Variants in FIP1L1 observed in about 807,000 individuals in gnomAD.
FIP1L1 encodes the protein factor interacting with PAPOLA and CPSF1.
A neutral mutation model predicts 84.6 loss-of-function variants in FIP1L1; 21 were observed. The observed-to-expected ratio is 0.25, with a 90% CI of 0.18 to 0.36. The LOEUF is 0.36. FIP1L1 is among the 10% of genes least tolerant of loss of function. The pLI, the probability that FIP1L1 is intolerant of heterozygous loss-of-function variation, is 1.00. For missense variants in FIP1L1, 526 were observed against 751.1 expected, an observed-to-expected ratio of 0.70 and a Z score of 3.50; for synonymous variants, 263 against 242.3, an observed-to-expected ratio of 1.09 and a Z score of -0.80.
chr4:53,441,305 G>T (rs767428905), intron 13 of FIP1L1, among the ~76,000 whole-genome samples: 1 of 151,882 alleles, frequency 6.6e-6, no homozygotes, highest in Non-Finnish European at 1.5e-5. Context: ...GCAAGGGTGG[G>T]TCTAAATTCA....
chr4:53,420,509 CTT>C (rs1340300746), intron 11 of FIP1L1, among the ~76,000 whole-genome samples: 1 of 150,258 alleles, frequency 6.7e-6, no homozygotes. Flanking sequence ...TTATCAGTCT[CTT>C]TAAATGTAGT....
rs1721444932 is a variant in FIP1L1, at chr4:53,459,766, T to A, written c.*317T>A. 3.0e-6 allele frequency: 1 copy of A among 332,428 alleles called. No individual in the cohort carries two copies. The highest frequency in any genetic ancestry group is 5.6e-6 in the Non-Finnish European group (1 of 179,588). The allele number at this position is 332,428 out of a possible 1,614,324, so 20.6% of individuals were successfully genotyped here. The stretch of plus-strand genomic sequence containing the variant: ...AGATTATCTGAGAAAAGGTCAAGGG[T>A]TCCACTTGGGCCACAGTTTTTTTGT... On this transcript the variant is annotated 3_prime_UTR_variant, in exon 18 of 18. Coordinates refer to ENST00000337488, the MANE Select transcript of FIP1L1 (RefSeq NM_030917.4).
At chr4:53,458,833 A>G (rs770657335) in intron 17 of FIP1L1, 43 bp downstream of exon 17, 1 of 1,580,624 alleles carries the variant, frequency 6.3e-7, no homozygotes, top group Non-Finnish European at 8.6e-7. Flanking sequence ...TATGTGAGAG[A>G]TTTTGACTTA....
intron 9 of FIP1L1, among the ~76,000 whole-genome samples, chr4:53,393,159 G>C (rs573098459): frequency 2.0e-5 from 3 of 152,280 alleles, no homozygotes; most frequent in Admixed American, 6.5e-5. Context: ...GGCAGATCTG[G>C]TATTTAGAAA....
chr4:53,414,297 A>G (rs1214366950), intron 10 of FIP1L1, among the ~76,000 whole-genome samples: 1 of 152,182 alleles, frequency 6.6e-6, no homozygotes, highest in Non-Finnish European at 1.5e-5. Flanking sequence ...AAGAATTCAT[A>G]GAGGCACAGA....
chr4:53,459,071 A>G (rs182528020), intron 17 of FIP1L1, among the ~76,000 whole-genome samples: 3 of 152,282 alleles, frequency 2.0e-5, no homozygotes, highest in Non-Finnish European at 4.4e-5. Context: ...AGCTGTGTAT[A>G]GGCACTGGGA....
intron 3 of FIP1L1, among the ~76,000 whole-genome samples, chr4:53,381,049 A>G (rs1366322719): frequency 6.6e-6 from 1 of 152,178 alleles, no homozygotes; most frequent in Admixed American, 6.5e-5. Context: ...ACATAGCTTT[A>G]TATTCCTTTC....
intron 5 of FIP1L1, among the ~76,000 whole-genome samples, chr4:53,385,493 A>G (rs145667077): frequency 3.4e-4 from 52 of 152,246 alleles, no homozygotes; most frequent in African/African-American, 1.2e-3. Context: ...AAACCATTGA[A>G]TTCAAAACTC....
chr4:53,419,641 G>A (rs1761288343), intron 11 of FIP1L1, among the ~76,000 whole-genome samples: 1 of 151,984 alleles, frequency 6.6e-6, no homozygotes, highest in Non-Finnish European at 1.5e-5. Context: ...GTCTCACTAT[G>A]TTGCTCAGGC....
Position 53,410,805 on chromosome 4 carries a change from A to G in FIP1L1, c.816-3810A>G, listed in dbSNP as rs148844358. Among the ~76,000 whole-genome samples the G allele has an allele frequency of 8.8e-3, 1,347 of 152,226 alleles. 24 individuals are homozygous for G. Among genetic ancestry groups the G allele is most frequent in the African/African-American group, 0.031 (1,270 of 41,534 alleles). On this transcript the variant is annotated intron_variant, in intron 10 of 17. Coordinates refer to ENST00000337488, the MANE Select transcript of FIP1L1 (RefSeq NM_030917.4). Reference sequence around the variant, plus strand: ...TAATTGTTCTCTTTTATTATTGTTAATTTCTTACTGTGTTTAATTATAAAT... The same window carrying G: ...TAATTGTTCTCTTTTATTATTGTTAGTTTCTTACTGTGTTTAATTATAAAT...
At chr4:53,392,585 T>A (rs1023970334) in intron 9 of FIP1L1, among the ~76,000 whole-genome samples, 17 of 152,226 alleles carry the variant, frequency 1.1e-4, no homozygotes, top group Admixed American at 8.5e-4. Flanking sequence ...TTGACTGCAA[T>A]GGGTAGAAAA....
At chr4:53,378,014 C>G (rs1394184487) in intron 1 of FIP1L1, 91 bp downstream of exon 1, 1 of 1,159,112 alleles carries the variant, frequency 8.6e-7, no homozygotes. Flanking sequence ...CTCGCGCCGC[C>G]GCTTCGGGCC....
At chr4:53,431,838 ACT>A (rs1395843471) in intron 13 of FIP1L1, among the ~76,000 whole-genome samples, 1 of 152,158 alleles carries the variant, frequency 6.6e-6, no homozygotes, top group Non-Finnish European at 1.5e-5. Flanking sequence ...GTTAGAGATA[ACT>A]CTCATTTGAA....
At chr4:53,447,093 G>T (rs183635175) in intron 15 of FIP1L1, among the ~76,000 whole-genome samples, 1 of 152,108 alleles carries the variant, frequency 6.6e-6, no homozygotes, top group African/African-American at 2.4e-5. Context: ...CAGCTTCTTT[G>T]TTGGTGATTT....
intron 10 of FIP1L1, among the ~76,000 whole-genome samples, chr4:53,401,945 G>A (rs562562533): frequency 2.0e-5 from 3 of 152,110 alleles, no homozygotes; most frequent in African/African-American, 7.2e-5. Flanking sequence ...CATAAAAGAG[G>A]TAAGTATTGA....
intron 12 of FIP1L1, among the ~76,000 whole-genome samples, chr4:53,427,615 A>G (rs1033775011): frequency 4.6e-5 from 7 of 152,148 alleles, no homozygotes; most frequent in Non-Finnish European, 1.0e-4. Context: ...TGCCATGTTA[A>G]TTTCTTAAGG....
rs765893808 is a variant in FIP1L1, at chr4:53,460,659, T to C, written c.*1210T>C. On this transcript the variant is annotated 3_prime_UTR_variant, in exon 18 of 18. Coordinates refer to ENST00000337488, the MANE Select transcript of FIP1L1 (RefSeq NM_030917.4). ...AGTTGTTTTAGGGCTTTTTATTGAATAGAAAAAATATAAACAATGTTGTAG... is the reference window on the plus strand; with the variant it reads ...AGTTGTTTTAGGGCTTTTTATTGAACAGAAAAAATATAAACAATGTTGTAG... 1 of 382,192 alleles carries C rather than the reference T, an allele frequency of 2.6e-6. No homozygotes were observed. The allele number at this position is 382,192 out of a possible 1,614,324, so 23.7% of individuals were successfully genotyped here. A position where few individuals can be genotyped will look rare whatever the true frequency, so the allele number is the denominator to read the frequency against.
chr4:53,383,739 G>A, intron 4 of FIP1L1, 34 bp from the exon 5 acceptor site: 1 of 1,561,974 alleles, frequency 6.4e-7, no homozygotes, highest in Non-Finnish European at 8.7e-7. Context: ...ATGGATTACT[G>A]AATGTATTTT....
chr4:53,443,917 G>A lies in FIP1L1; in HGVS notation c.1230-131G>A. 5 of 524,840 alleles carry A rather than the reference G, an allele frequency of 9.5e-6. No homozygotes were observed. The South Asian group carries it at 1.6e-4, about 17-fold the overall frequency. 32.5% of individuals were successfully genotyped at this position (524,840 alleles called of 1,614,324 possible). On this transcript the variant is annotated intron_variant, in intron 14 of 17. Transcript: ENST00000337488. ...CCCATGTTTTATTAATAAAATTATA[G>A]AACTAAATTATCATTAAATTGGTGG... is the stretch of plus-strand genomic sequence containing the variant.
Sources: allele counts gnomAD v4.1 joint callset (sites outside exome capture counted in the v4.1 genomes callset), GRCh38; gene constraint gnomAD v4.1.1; transcripts MANE v1.5; gene names NCBI Gene and HGNC (gene_info 2026-07-23, HGNC 2026-07-21).